The following TLR5 variants were observed in gnomAD, a reference collection of about 807,000 sequenced individuals.
The protein encoded by TLR5 is toll-like receptor 5.
For missense variants in TLR5, 944 were observed against 999.8 expected, an observed-to-expected ratio of 0.94 and a Z score of 0.75; for synonymous variants, 373 against 384.4, an observed-to-expected ratio of 0.97 and a Z score of 0.35.
rs184969289 is a variant in TLR5, at chr1:223,119,169, G to T, written c.-4-6134C>A. ...CCATTCAGATGGTTGTGGGGCCTTA[G>T]AATTTAATTTTTGGTTGACACGTGC... On this transcript the variant is annotated intron_variant, in intron 5 of 5. Transcript: ENST00000642603. Among the ~76,000 whole-genome samples, 52 of 152,170 alleles carry T rather than the reference G, an allele frequency of 3.4e-4. 2 individuals are homozygous for T. The East Asian group carries it at 6.8e-3, about 20-fold the overall frequency.
Position 223,111,087 on chromosome 1 carries a change from T to G in TLR5, c.1945A>C (p.Thr649Pro), listed in dbSNP as rs760506250. 7.4e-6 allele frequency: 12 copies of G among 1,614,098 alleles called. No homozygotes were observed. In the East Asian group the frequency reaches 1.6e-4, roughly 21 times the overall value. ...ATGGTCATGAGGAACAGAGTCAGAGTGACAGTGCATACAATGAAAAGGGAG... is the reference window on the plus strand; with the variant it reads ...ATGGTCATGAGGAACAGAGTCAGAGGGACAGTGCATACAATGAAAAGGGAG... ...KFSLFIVCTV[T>P]LTLFLMTILT... is the part of the protein sequence containing the mutation. Residue 649 changes from threonine to proline, a missense_variant, in exon 6 of 6, where the codon ACT becomes CCT. By Grantham distance (38) the Thr-to-Pro change is conservative. Coordinates refer to ENST00000642603, the MANE Select transcript of TLR5 (RefSeq NM_003268.6).
At chr1:223,127,377 C>T (rs1161770382) in intron 5 of TLR5, 1 of 152,174 alleles carries the variant, frequency 6.6e-6, no homozygotes, top group Non-Finnish European at 1.5e-5. Context: ...TCCAAATTCA[C>T]ACAGGTATAA....
In TLR5 at chr1:223,112,023, T is replaced by C. The variant is rs959989982; in HGVS notation, c.1009A>G (p.Asn337Asp). Residue 337 changes from asparagine (N) to aspartate (D), a missense_variant, in exon 6 of 6, where the codon AAC (asparagine) becomes GAC (aspartate). Transcript: ENST00000642603. ...IADEAFYGLD[N>D]LQVLNLSYNL... Reference sequence around the variant, plus strand: ...TATGACAAATTGAGAACTTGGAGGTTGTCAAGTCCGTAAAATGCTTCATCT... The same window carrying C: ...TATGACAAATTGAGAACTTGGAGGTCGTCAAGTCCGTAAAATGCTTCATCT... 2 of 1,614,092 alleles carry C rather than the reference T, an allele frequency of 1.2e-6. No homozygotes were observed. The highest frequency in any genetic ancestry group is 1.7e-5 in the Admixed American group (1 of 60,010).
intron 5 of TLR5, among the ~76,000 whole-genome samples, chr1:223,114,207 T>A (rs1656512351): frequency 6.6e-6 from 1 of 152,186 alleles, no homozygotes; most frequent in Non-Finnish European, 1.5e-5. Context: ...GTTGAGTGTT[T>A]TTTTCATGGG....
rs1311736403 is a variant in TLR5 at position 223,111,616 on chromosome 1, A to G, written c.1416T>C (p.Asn472=). ...CAAGGAAAAGCTGTTCTAAGCTGGGATTCTCTGAAGGGGTTTGATCTCCAC... is the reference window on the plus strand; with the variant it reads ...CAAGGAAAAGCTGTTCTAAGCTGGGGTTCTCTGAAGGGGTTTGATCTCCAC... The part of the protein sequence containing the change: ...SCSGDQTPSE[N]PSLEQLFLGE... Residue 472 remains asparagine, a synonymous_variant, in exon 6 of 6, where the codon AAT becomes AAC. Coordinates refer to ENST00000642603, the MANE Select transcript of TLR5 (RefSeq NM_003268.6). 6.2e-7 allele frequency: 1 copy of G among 1,614,126 alleles called. No homozygotes were observed. Among genetic ancestry groups the G allele is most frequent in the African/African-American group, 1.3e-5 (1 of 75,038 alleles).
At chr1:223,127,282 C>G (rs1211004843) in intron 5 of TLR5, 2 of 152,214 alleles carry the variant, frequency 1.3e-5, no homozygotes, top group Non-Finnish European at 2.9e-5. Flanking sequence ...GGGCCCAAAC[C>G]TGGAGGGCCA....
At position 223,136,925 on chromosome 1, in the gene TLR5, G is replaced by A. The variant is rs186996688; in HGVS notation, c.-353+253C>T. 2.3e-3 allele frequency among the ~76,000 whole-genome samples: 357 copies of A among 152,190 alleles called. 1 individual carries two copies. The highest frequency in any genetic ancestry group is 7.8e-3 in the African/African-American group (325 of 41,538). On this transcript the variant is annotated intron_variant, in intron 3 of 5. Coordinates refer to ENST00000642603, the MANE Select transcript of TLR5 (RefSeq NM_003268.6). ...ACAACCTTGAACTCCCCCGGCTCAGGTGATCCTCCCACCTCAGCTTCCCAA... is the reference window on the plus strand; with the variant it reads ...ACAACCTTGAACTCCCCCGGCTCAGATGATCCTCCCACCTCAGCTTCCCAA...
Position 223,112,708 on chromosome 1 carries a change from G to C in TLR5, c.324C>G (p.Tyr108Ter). 1 of 1,614,240 alleles carries C rather than the reference G, an allele frequency of 6.2e-7. No homozygotes were observed. Among genetic ancestry groups the C allele is most frequent in the Non-Finnish European group, 8.5e-7 (1 of 1,180,036 alleles). Residue 108 changes from tyrosine to a stop codon, truncating the protein, a stop_gained, in exon 6 of 6, where the codon TAC becomes TAG. Transcript: ENST00000642603. LOFTEE classifies it low-confidence loss of function (END_TRUNC). ...RILDLGSSKI[Y>*]FLHPDAFQGL... The stretch of plus-strand genomic sequence containing the variant: ...CCTGAAAAGCATCTGGATGCAAGAA[G>C]TATATCTTACTACTTCCCAGGTCCA...
At position 223,112,616 on chromosome 1, in the gene TLR5, C is replaced by G; in HGVS notation, c.416G>C (p.Gly139Ala). Residue 139 changes from glycine (G) to alanine (A), a missense_variant, in exon 6 of 6, where the codon GGT becomes GCT. Transcript: ENST00000642603. ...CGLSDAVLKD[G>A]YFRNLKALTR... The stretch of plus-strand genomic sequence containing the variant: ...TAAAGCCTTTAAATTTCTGAAATAA[C>G]CATCTTTCAATACAGCATCAGAGAG... 6.2e-7 allele frequency: 1 copy of G among 1,614,160 alleles called. No homozygotes were observed. The highest frequency in any genetic ancestry group is 8.5e-7 in the Non-Finnish European group (1 of 1,180,034).
rs896065311 is a variant in TLR5, at chr1:223,113,050, G to A, written c.-4-15C>T. ...CTCCCATGATCCTATGGAGAAGAAG[G>A]GAGAATGAAAACACAGGCATTTAAG... On this transcript the variant is annotated splice_polypyrimidine_tract_variant and intron_variant, in intron 5 of 5. Coordinates refer to ENST00000642603, the MANE Select transcript of TLR5 (RefSeq NM_003268.6). 1 of 1,613,922 alleles carries A rather than the reference G, an allele frequency of 6.2e-7. No individual in the cohort carries two copies.
chr1:223,135,229 T>C (rs138048310), intron 3 of TLR5, among the ~76,000 whole-genome samples: 2 of 152,274 alleles, frequency 1.3e-5, no homozygotes, highest in East Asian at 3.9e-4. Context: ...AGGAAGATGA[T>C]TTCACTGGTG....
Position 223,125,565 on chromosome 1 carries a change from C to T in TLR5, c.-5+6910G>A, listed in dbSNP as rs187361513. 4.4e-4 allele frequency among the ~76,000 whole-genome samples: 66 copies of T among 150,872 alleles called. No individual in the cohort carries two copies. In the East Asian group the frequency reaches 0.013, roughly 29 times the overall value. On this transcript the variant is annotated intron_variant, in intron 5 of 5. Coordinates refer to ENST00000642603, the MANE Select transcript of TLR5 (RefSeq NM_003268.6). ...TCAGACCCAGGAAGCCCAGACTGAC[C>T]ACAGATGCATTAAATGAGCCTCTTT...
At chr1:223,142,757 G>A (rs895133353) in intron 1 of TLR5, among the ~76,000 whole-genome samples, 3 of 152,188 alleles carry the variant, frequency 2.0e-5, no homozygotes, top group Non-Finnish European at 1.5e-5. Context: ...GATTTCCATG[G>A]CCCTGCTGGA....
At chr1:223,122,237 C>T (rs1287689215) in intron 5 of TLR5, among the ~76,000 whole-genome samples, 1 of 152,136 alleles carries the variant, frequency 6.6e-6, no homozygotes, top group African/African-American at 2.4e-5. Flanking sequence ...GATAAACCAA[C>T]CTAAAAAGGG....
rs1657377524 is a variant in TLR5 at position 223,131,043 on chromosome 1, C to A, written c.-5+1432G>T. Among the ~76,000 whole-genome samples the A allele has an allele frequency of 6.6e-6, 1 of 152,170 alleles. No homozygotes were observed. The highest frequency in any genetic ancestry group is 2.4e-5 in the African/African-American group (1 of 41,432). On this transcript the variant is annotated intron_variant, in intron 5 of 5. Transcript: ENST00000642603. This position sits in a 1 kb window ranked among gnomAD's most constrained non-coding sequence, Gnocchi z 4.2. ...ACTGCTTGGCTGCAAGGCTCCACTG[C>A]CTCCCCTCTAGATATGGGAGACACC...
intron 5 of TLR5, among the ~76,000 whole-genome samples, chr1:223,116,507 A>T (rs1304222644): frequency 6.6e-6 from 1 of 152,152 alleles, no homozygotes; most frequent in East Asian, 1.9e-4. Context: ...ACAGCTCATA[A>T]ATGTAGTGCA....
At chr1:223,114,755 G>C (rs1656541848) in intron 5 of TLR5, among the ~76,000 whole-genome samples, 1 of 152,132 alleles carries the variant, frequency 6.6e-6, no homozygotes, top group Non-Finnish European at 1.5e-5. Flanking sequence ...GGAAAAACTT[G>C]GTGAGAATGT....
chr1:223,140,418 G>A (rs529225005), intron 2 of TLR5, among the ~76,000 whole-genome samples: 4 of 152,138 alleles, frequency 2.6e-5, no homozygotes, highest in South Asian at 2.1e-4. Flanking sequence ...ATGGTGGTAC[G>A]TGACTGTAGT....
intron 5 of TLR5, among the ~76,000 whole-genome samples, chr1:223,116,891 C>G (rs1290016507): frequency 6.6e-6 from 1 of 152,252 alleles, no homozygotes; most frequent in Non-Finnish European, 1.5e-5. Flanking sequence ...AGGAGCCCAG[C>G]TGGCTTTGCC....
Sources: allele counts gnomAD v4.1 joint callset (sites outside exome capture counted in the v4.1 genomes callset), GRCh38; gene constraint gnomAD v4.1.1; non-coding constraint Gnocchi (gnomAD v3.1); transcripts MANE v1.5; gene names NCBI Gene and HGNC (gene_info 2026-07-23, HGNC 2026-07-21).